The following RALGAPA2 variants were observed in gnomAD, a reference collection of about 807,000 sequenced individuals.
The protein encoded by RALGAPA2 is Ral GTPase activating protein catalytic subunit alpha 2, also known as ral GTPase-activating protein subunit alpha-2.
In RALGAPA2, 139 loss-of-function variants were observed where a neutral mutation model predicts 230.4. The ratio of observed to expected loss-of-function variants is 0.60; its 90% CI spans 0.53 to 0.69. RALGAPA2 has a LOEUF of 0.69. RALGAPA2 is among the 30% of genes least tolerant of loss of function. The pLI, the probability that RALGAPA2 is intolerant of heterozygous loss-of-function variation, is 0.00. For missense variants in RALGAPA2, 2,163 were observed against 2,276.0 expected, an observed-to-expected ratio of 0.95 and a Z score of 1.01; for synonymous variants, 847 against 837.8, an observed-to-expected ratio of 1.01 and a Z score of -0.19.
chr20:20,401,744 TG>T, intron 38 of RALGAPA2, among the ~76,000 whole-genome samples: 1 of 152,286 alleles, frequency 6.6e-6, no homozygotes, highest in Middle Eastern at 3.4e-3. Flanking sequence ...GCAATGGAAA[TG>T]TCTGGTAGTT....
chr20:20,474,382 T>A (rs2061604655), intron 36 of RALGAPA2, among the ~76,000 whole-genome samples: 1 of 152,182 alleles, frequency 6.6e-6, no homozygotes, highest in Non-Finnish European at 1.5e-5. Context: ...GGATTTCTGT[T>A]CTGAGTAAGA....
At chr20:20,570,818 T>C (rs73292765) in intron 23 of RALGAPA2, among the ~76,000 whole-genome samples, 1,675 of 152,240 alleles carry the variant, frequency 0.011, 25 homozygotes, top group African/African-American at 0.038. Flanking sequence ...CAAGAATCCA[T>C]GTGTCCCTAT....
chr20:20,616,252 T>G, intron 12 of RALGAPA2, 61 bp from the exon 13 acceptor site: 1 of 1,255,124 alleles, frequency 8.0e-7, no homozygotes, highest in Middle Eastern at 2.6e-4. Flanking sequence ...GAATAAATTT[T>G]GCTTACAGAT....
intron 1 of RALGAPA2, among the ~76,000 whole-genome samples, chr20:20,687,063 G>C (rs2068730562): frequency 6.6e-6 from 1 of 151,936 alleles, no homozygotes; most frequent in Non-Finnish European, 1.5e-5. Context: ...ATGAAGATAG[G>C]TGTCCTTTAC....
At position 20,512,513 on chromosome 20, in the gene RALGAPA2, C is replaced by T. The variant is rs6046905; in HGVS notation, c.4856G>A (p.Arg1619Lys). Residue 1619 changes from arginine (R) to lysine (K), a missense_variant and splice_region_variant, in exon 32 of 40, where the codon AGG becomes AAG. By Grantham distance (26) the Arg-to-Lys change is conservative (BLOSUM62 2). Transcript: ENST00000202677. ...DDLGMNSWDR[R>K]KNFHLLKKNS... Reference sequence around the variant, plus strand: ...CTGGAGGTCTAGCTTGGATTGTTACCTTCTGTCCCAAGAATTCATTCCCAA... The same window carrying T: ...CTGGAGGTCTAGCTTGGATTGTTACTTTCTGTCCCAAGAATTCATTCCCAA... The T allele has an allele frequency of 6.3e-7, 1 of 1,593,060 alleles. No individual in the cohort carries two copies. The highest frequency in any genetic ancestry group is 1.2e-5 in the South Asian group (1 of 86,328).
At chr20:20,698,590 T>C (rs1282331076) in intron 1 of RALGAPA2, among the ~76,000 whole-genome samples, 3 of 152,162 alleles carry the variant, frequency 2.0e-5, no homozygotes, top group Non-Finnish European at 2.9e-5. Context: ...TTTGTATTTT[T>C]AGTTTTACCA....
At chr20:20,462,583 T>C (rs2061328126) in intron 37 of RALGAPA2, among the ~76,000 whole-genome samples, 1 of 152,090 alleles carries the variant, frequency 6.6e-6, no homozygotes, top group South Asian at 2.1e-4. Flanking sequence ...GTGGTAAAAT[T>C]CCTCAGTAGT....
In RALGAPA2 at chr20:20,588,731, T is replaced by A. The variant is rs139514103; in HGVS notation, c.2439+537A>T. On this transcript the variant is annotated intron_variant, in intron 18 of 39. Coordinates refer to ENST00000202677, the MANE Select transcript of RALGAPA2 (RefSeq NM_020343.4). ...TTTTATTTTGTATCTTTCTGTGATG[T>A]TTGAGTTTTCTAAGAATATATGCTA... 3.7e-3 allele frequency among the ~76,000 whole-genome samples: 556 copies of A among 152,308 alleles called. 1 individual carries two copies. The highest frequency in any genetic ancestry group is 0.014 in the Middle Eastern group (4 of 294).
chr20:20,649,012 C>CA (rs2067308254), intron 4 of RALGAPA2, among the ~76,000 whole-genome samples: 1 of 152,130 alleles, frequency 6.6e-6, no homozygotes, highest in African/African-American at 2.4e-5. Context: ...GGGCAAAACA[C>CA]AAAGAAGTGC....
intron 20 of RALGAPA2, among the ~76,000 whole-genome samples, chr20:20,577,036 A>G (rs1409122541): frequency 6.6e-6 from 1 of 152,176 alleles, no homozygotes; most frequent in Non-Finnish European, 1.5e-5. Context: ...TGAATAGAAC[A>G]CATTGTGTTA....
At chr20:20,441,510 G>T (rs983371388) in intron 37 of RALGAPA2, among the ~76,000 whole-genome samples, 1 of 152,210 alleles carries the variant, frequency 6.6e-6, no homozygotes, top group African/African-American at 2.4e-5. Context: ...CAGGACAGCA[G>T]CAGAAGCAAG....
chr20:20,407,430 T>A (rs1353240751), intron 38 of RALGAPA2, among the ~76,000 whole-genome samples: 1 of 152,182 alleles, frequency 6.6e-6, no homozygotes, highest in African/African-American at 2.4e-5. Flanking sequence ...AACTGCCCAG[T>A]GAAACGGCCA....
rs566068389 is a variant in RALGAPA2, at chr20:20,618,257, T to C, written c.1539+1020A>G. 4.6e-5 allele frequency among the ~76,000 whole-genome samples: 7 copies of C among 152,304 alleles called. No individual in the cohort carries two copies. The East Asian group carries it at 1.3e-3, about 29-fold the overall frequency. Reference sequence around the variant, plus strand: ...CACAGGCTGTTGCTGGAGATCCCCTTAGCTAAAAGATGGAGCTACTGAGGG... The same window carrying C: ...CACAGGCTGTTGCTGGAGATCCCCTCAGCTAAAAGATGGAGCTACTGAGGG... On this transcript the variant is annotated intron_variant, in intron 12 of 39. Transcript: ENST00000202677.
In RALGAPA2 at chr20:20,712,310, G is replaced by A. The variant is rs1174256086; in HGVS notation, c.106+65C>T. ...CCCAGCCACCGACCCCTGCACAGAG[G>A]AGCGCCCTCCCGGCAGGTGCCCCTA... On this transcript the variant is annotated intron_variant, in intron 1 of 39. Transcript: ENST00000202677. The surrounding 1 kb of genome is among the most constrained non-coding windows in gnomAD (Gnocchi z 5.5). The A allele has an allele frequency of 5.4e-6, 8 of 1,494,604 alleles. No homozygotes were observed. Among genetic ancestry groups the A allele is most frequent in the Non-Finnish European group, 7.2e-6 (8 of 1,106,184 alleles). The allele number at this position is 1,494,604 out of a possible 1,614,324, so 92.6% of individuals were successfully genotyped here. A position where few individuals can be genotyped will look rare whatever the true frequency, so the allele number is the denominator to read the frequency against.
chr20:20,435,356 A>G (rs938998738), intron 37 of RALGAPA2, among the ~76,000 whole-genome samples: 3 of 152,244 alleles, frequency 2.0e-5, no homozygotes, highest in Non-Finnish European at 2.9e-5. Context: ...CTGGGCAGAC[A>G]GCGCGTACTC....
chr20:20,673,000 C>A (rs1004252105), intron 3 of RALGAPA2, among the ~76,000 whole-genome samples: 2 of 151,806 alleles, frequency 1.3e-5, no homozygotes, highest in South Asian at 2.1e-4. Context: ...CTGGCTAACA[C>A]GGTGAAAACC....
intron 16 of RALGAPA2, among the ~76,000 whole-genome samples, chr20:20,592,193 T>C (rs998645219): frequency 6.6e-6 from 1 of 152,150 alleles, no homozygotes; most frequent in Admixed American, 6.5e-5. Context: ...CTCTCCATGG[T>C]CCATCTAAAA....
chr20:20,556,144 A>G lies in RALGAPA2; in HGVS notation c.3157-9312T>C, dbSNP rs951249288. ...ATGAGTGCTTTCTGCAAGGATGCTCAGGGTGCTGTGAGATCAGGGCCTCTA... is the reference window on the plus strand; with the variant it reads ...ATGAGTGCTTTCTGCAAGGATGCTCGGGGTGCTGTGAGATCAGGGCCTCTA... On this transcript the variant is annotated intron_variant, in intron 23 of 39. Coordinates refer to ENST00000202677, the MANE Select transcript of RALGAPA2 (RefSeq NM_020343.4). Among the ~76,000 whole-genome samples the G allele has an allele frequency of 9.2e-5, 14 of 152,344 alleles. 1 individual carries two copies. The highest frequency in any genetic ancestry group is 3.1e-4 in the African/African-American group (13 of 41,580).
intron 12 of RALGAPA2, among the ~76,000 whole-genome samples, chr20:20,616,631 T>C (rs1215376201): frequency 6.6e-6 from 1 of 152,114 alleles, no homozygotes; most frequent in Admixed American, 6.5e-5. Flanking sequence ...ACTATGTGAT[T>C]CTTATTGAGT....
Sources: gnomAD v4.1 joint callset for allele counts (sites outside exome capture counted in the v4.1 genomes callset) on GRCh38, gnomAD v4.1.1 for gene constraint, Gnocchi (gnomAD v3.1) non-coding constraint, MANE v1.5 for transcripts, NCBI Gene and HGNC (gene_info 2026-07-23, HGNC 2026-07-21) for gene names.